Variants in INTS9 observed in about 807,000 individuals in gnomAD.
The protein encoded by INTS9 is protein related to CPSF subunits of 74 kDa.
INTS9 carries 55 observed loss-of-function variants against 79.7 expected under a neutral mutation model. The observed-to-expected ratio is 0.69, with a 90% CI of 0.56 to 0.86. INTS9 has a LOEUF of 0.86. INTS9 is among the 40% of genes least tolerant of loss of function. INTS9 has a pLI of 0.00. For missense variants in INTS9, 721 were observed against 831.5 expected (o/e 0.87, Z 1.64); for synonymous variants, 319 against 325.2 (o/e 0.98, Z 0.20).
At chr8:28,786,860 G>A (rs1423104462) in intron 11 of INTS9, among the ~76,000 whole-genome samples, 2 of 152,150 alleles carry the variant, frequency 1.3e-5, no homozygotes, top group Non-Finnish European at 2.9e-5. Context: ...TGTGACTACA[G>A]GCACCCGCCA....
At chr8:28,819,019 T>A (rs1805668809) in intron 6 of INTS9, among the ~76,000 whole-genome samples, 1 of 152,198 alleles carries the variant, frequency 6.6e-6, no homozygotes, top group Non-Finnish European at 1.5e-5. Flanking sequence ...CATTTTTTAT[T>A]GTGTCTATTT....
At chr8:28,880,252 CTCCCT>C (rs1809635883) in intron 1 of INTS9, among the ~76,000 whole-genome samples, 1 of 137,236 alleles carries the variant, frequency 7.3e-6, no homozygotes, top group Non-Finnish European at 1.6e-5. Flanking sequence ...CCCTCTCCCT[CTCCCT>C]CTCCCTCTCC....
At chr8:28,859,683 C>T in intron 1 of INTS9, 120 bp from the exon 2 acceptor site, 1 of 1,131,660 alleles carries the variant, frequency 8.8e-7, no homozygotes, top group Non-Finnish European at 1.3e-6. Flanking sequence ...GTTCAGCTAA[C>T]TTTCTATGTG....
At chr8:28,802,693 A>G (rs3802155) in intron 8 of INTS9, among the ~76,000 whole-genome samples, 32,628 of 152,034 alleles carry the variant, frequency 0.21, 4,053 homozygotes, top group East Asian at 0.46. Context: ...AAACAAACTA[A>G]ACCTAAACAC....
chr8:28,882,772 T>C (rs929179585), intron 1 of INTS9, among the ~76,000 whole-genome samples: 1 of 152,230 alleles, frequency 6.6e-6, no homozygotes, highest in Admixed American at 6.5e-5. Flanking sequence ...TCTGATTACC[T>C]GTCTTTGAGA....
intron 1 of INTS9, among the ~76,000 whole-genome samples, chr8:28,873,961 G>A (rs1444427628): frequency 1.3e-5 from 2 of 152,150 alleles, no homozygotes; most frequent in Non-Finnish European, 2.9e-5. Context: ...TGATTGTTGG[G>A]ATGCCTTTTG....
At chr8:28,799,734 C>T (rs760260582) in intron 8 of INTS9, among the ~76,000 whole-genome samples, 1 of 152,204 alleles carries the variant, frequency 6.6e-6, no homozygotes. Flanking sequence ...CAAGTACCAA[C>T]TTAAAATACC....
chr8:28,852,091 C>A (rs981920015), intron 2 of INTS9, among the ~76,000 whole-genome samples: 1 of 152,016 alleles, frequency 6.6e-6, no homozygotes, highest in East Asian at 1.9e-4. Flanking sequence ...TGGTGGTACA[C>A]GCTTGCAGTC....
chr8:28,775,663 T>C (rs1331643029), intron 14 of INTS9, 96 bp downstream of exon 14: 2 of 1,324,238 alleles, frequency 1.5e-6, no homozygotes, highest in Admixed American at 4.0e-5. Flanking sequence ...GGTTCATTTA[T>C]ACTTGACATA....
At chr8:28,854,305 TAAAC>T (rs764157975) in intron 2 of INTS9, among the ~76,000 whole-genome samples, 23 of 152,294 alleles carry the variant, frequency 1.5e-4, no homozygotes, top group Non-Finnish European at 2.2e-4. Context: ...TGATAGTAAA[TAAAC>T]AATCCTTTCC....
At chr8:28,772,496 C>T (rs537497342) in intron 14 of INTS9, among the ~76,000 whole-genome samples, 5 of 152,128 alleles carry the variant, frequency 3.3e-5, no homozygotes, top group East Asian at 1.9e-4. Flanking sequence ...CTGGGCAACA[C>T]GGCAAGACTC....
At chr8:28,825,233 T>C (rs1166391718) in intron 6 of INTS9, among the ~76,000 whole-genome samples, 1 of 152,234 alleles carries the variant, frequency 6.6e-6, no homozygotes, top group Non-Finnish European at 1.5e-5. Context: ...AAGGAGTTTC[T>C]TGACTTAATA....
intron 8 of INTS9, among the ~76,000 whole-genome samples, chr8:28,799,714 C>T (rs889049110): frequency 6.6e-6 from 1 of 152,136 alleles, no homozygotes; most frequent in African/African-American, 2.4e-5. Flanking sequence ...AAAGAAAAAG[C>T]CATCTTGTCC....
At chr8:28,780,390 T>G in intron 12 of INTS9, 1 of 985,336 alleles carries the variant, frequency 1.0e-6, no homozygotes, top group Non-Finnish European at 1.2e-6. Flanking sequence ...ACACTCTACT[T>G]GACCTTATCA....
At chr8:28,821,774 G>A (rs756277855) in intron 6 of INTS9, among the ~76,000 whole-genome samples, 1 of 142,202 alleles carries the variant, frequency 7.0e-6, no homozygotes, top group Non-Finnish European at 1.5e-5. Flanking sequence ...TTTTTTTTTC[G>A]CTGCTGTTGT....
intron 6 of INTS9, among the ~76,000 whole-genome samples, 143 bp downstream of exon 6, chr8:28,835,137 GTTGAATCAAATA>G (rs1173480246): frequency 3.9e-5 from 6 of 152,194 alleles, no homozygotes; most frequent in South Asian, 4.1e-4. Context: ...AAAAATGTTG[GTTGAATCAAATA>G]TAACCCTTTC....
At chr8:28,795,839 C>A (rs1311070951) in intron 9 of INTS9, among the ~76,000 whole-genome samples, 1 of 152,124 alleles carries the variant, frequency 6.6e-6, no homozygotes, top group Non-Finnish European at 1.5e-5. Context: ...CCCAAACTAA[C>A]TAAGACAGTA....
At chr8:28,856,023 T>C (rs543643493) in intron 2 of INTS9, among the ~76,000 whole-genome samples, 4 of 152,342 alleles carry the variant, frequency 2.6e-5, no homozygotes, top group African/African-American at 9.6e-5. Flanking sequence ...TTTGCAGCTT[T>C]TCTGTAAATC....
intron 11 of INTS9, among the ~76,000 whole-genome samples, chr8:28,782,436 A>G (rs1355758883): frequency 2.0e-5 from 3 of 152,254 alleles, no homozygotes; most frequent in Non-Finnish European, 4.4e-5. Context: ...GCAACTGAAT[A>G]AGGACCAAGA....
Sources: gnomAD v4.1 joint callset for allele counts (sites outside exome capture counted in the v4.1 genomes callset) on GRCh38, gnomAD v4.1.1 for gene constraint, MANE v1.5 for transcripts, NCBI Gene and HGNC (gene_info 2026-07-23, HGNC 2026-07-21) for gene names.